The following CTNNA3 variants were observed in gnomAD, a reference collection of about 807,000 sequenced individuals.
The protein encoded by CTNNA3 is catenin alpha-3.
In CTNNA3, 76 loss-of-function variants were observed where a neutral mutation model predicts 95.7. That is an observed-to-expected ratio of 0.79 (90% CI 0.66 to 0.96). CTNNA3 has a LOEUF of 0.96. Ranked by LOEUF, CTNNA3 falls within the 40% of genes least tolerant of loss-of-function variation. The probability of loss-of-function intolerance (pLI) is 0.00; values close to 1 mark genes in which losing one functional copy is unlikely to be tolerated. For synonymous variants in CTNNA3, 431 were observed against 374.4 expected, an observed-to-expected ratio of 1.15 and a Z score of -1.74; for missense variants, 1,191 against 1,089.8, an observed-to-expected ratio of 1.09 and a Z score of -1.31.
intron 5 of CTNNA3, among the ~76,000 whole-genome samples, chr10:67,419,401 C>A (rs976481444): frequency 1.1e-4 from 17 of 151,732 alleles, no homozygotes; most frequent in African/African-American, 4.1e-4. Flanking sequence ...GGTTCATGTG[C>A]AGATTTGTTA....
At chr10:66,754,233 T>C (rs1458394885) in intron 9 of CTNNA3, among the ~76,000 whole-genome samples, 8 of 152,204 alleles carry the variant, frequency 5.3e-5, no homozygotes, top group Non-Finnish European at 1.0e-4. Context: ...CTCACATTTA[T>C]AGTTGATTTA....
chr10:66,042,711 C>T (rs1163930218), intron 15 of CTNNA3, among the ~76,000 whole-genome samples: 4 of 151,020 alleles, frequency 2.6e-5, no homozygotes, highest in African/African-American at 4.9e-5. Context: ...ACCAGCCTGC[C>T]CAATATGGTG....
intron 10 of CTNNA3, among the ~76,000 whole-genome samples, chr10:66,560,139 T>C (rs1157411762): frequency 6.6e-6 from 1 of 152,096 alleles, no homozygotes; most frequent in Non-Finnish European, 1.5e-5. Flanking sequence ...AATTACTCCT[T>C]AATATTTCTA....
In CTNNA3 at chr10:67,704,922, A is replaced by C. The variant is rs1209381514; in HGVS notation, c.-1-57408T>G. Among the ~76,000 whole-genome samples the C allele has an allele frequency of 3.3e-5, 5 of 152,158 alleles. No homozygotes were observed. The South Asian group carries it at 1.0e-3, about 32-fold the overall frequency. ...CCAGAATCTACAATGAACTCAAACA[A>C]ATTTACAAGAAAAAAACAAACAACT... On this transcript the variant is annotated intron_variant, in intron 1 of 17. Transcript: ENST00000684154.
chr10:67,672,293 C>A (rs142385583), intron 1 of CTNNA3, among the ~76,000 whole-genome samples: 34,465 of 151,878 alleles, frequency 0.23, 7,847 homozygotes, highest in African/African-American at 0.59. Context: ...CGAAAATTTT[C>A]TCCCATTTTG....
chr10:66,453,073 C>G (rs561561912), intron 11 of CTNNA3, among the ~76,000 whole-genome samples: 35 of 151,836 alleles, frequency 2.3e-4, no homozygotes, highest in African/African-American at 8.5e-4. Context: ...AAAAAATTGT[C>G]AGGTGTGGCG....
chr10:66,347,310 T>C (rs1488821424), intron 12 of CTNNA3, among the ~76,000 whole-genome samples: 1 of 152,068 alleles, frequency 6.6e-6, no homozygotes, highest in Non-Finnish European at 1.5e-5. Context: ...AAGTTTTATG[T>C]CTTATTAAGA....
chr10:66,416,312 G>GA (rs1484135856), intron 11 of CTNNA3, among the ~76,000 whole-genome samples: 11 of 151,272 alleles, frequency 7.3e-5, no homozygotes, highest in East Asian at 1.9e-4. Flanking sequence ...ATATGGGACA[G>GA]AAAAAAAAGT....
chr10:65,970,014 A>G (rs1421020398), intron 16 of CTNNA3, among the ~76,000 whole-genome samples: 1 of 152,140 alleles, frequency 6.6e-6, no homozygotes, highest in South Asian at 2.1e-4. Context: ...TCTCAAAGGC[A>G]GCTAGAGAAA....
intron 5 of CTNNA3, among the ~76,000 whole-genome samples, chr10:67,353,006 G>A (rs1417115479): frequency 6.6e-6 from 1 of 151,948 alleles, no homozygotes; most frequent in South Asian, 2.1e-4. Context: ...GAAAACCTAA[G>A]TGTCACATCT....
chr10:67,043,881 A>G (rs1016667700), intron 7 of CTNNA3, among the ~76,000 whole-genome samples: 1 of 151,072 alleles, frequency 6.6e-6, no homozygotes, highest in Admixed American at 6.7e-5. Flanking sequence ...TCTGTTCTGT[A>G]GGCAATCTGA....
intron 7 of CTNNA3, among the ~76,000 whole-genome samples, chr10:67,126,740 A>G (rs1304793758): frequency 6.6e-6 from 1 of 152,184 alleles, no homozygotes; most frequent in Non-Finnish European, 1.5e-5. Context: ...AAAAAGATCC[A>G]TATACATTGG....
intron 9 of CTNNA3, among the ~76,000 whole-genome samples, chr10:66,685,298 T>TATATATATAC (rs1847234102): frequency 2.2e-5 from 2 of 92,482 alleles, no homozygotes; most frequent in Non-Finnish European, 4.2e-5. Flanking sequence ...TATATATGTG[T>TATATATATAC]GTATATATAT....
At chr10:67,646,589 C>T (rs112504409) in intron 2 of CTNNA3, among the ~76,000 whole-genome samples, 1 of 152,142 alleles carries the variant, frequency 6.6e-6, no homozygotes, top group African/African-American at 2.4e-5. Context: ...CTCCCCACAT[C>T]CATCTCACAA....
intron 1 of CTNNA3, 119 bp downstream of exon 1, chr10:67,695,881 T>C (rs896344422): frequency 3.3e-5 from 5 of 152,204 alleles, no homozygotes. Context: ...GTGATCTTCC[T>C]CAGTTCAGAA....
At chr10:67,392,947 C>G (rs1203388367) in intron 5 of CTNNA3, among the ~76,000 whole-genome samples, 1 of 152,008 alleles carries the variant, frequency 6.6e-6, no homozygotes, top group Admixed American at 6.6e-5. Context: ...GGGAGATATA[C>G]CTAATGCTAG....
rs139461834 is a variant in CTNNA3, at chr10:66,009,556, C to G, written c.2160-20759G>C. 1.3e-4 allele frequency among the ~76,000 whole-genome samples: 20 copies of G among 152,304 alleles called. No homozygotes were observed. The East Asian group carries it at 3.9e-3, about 29-fold the overall frequency. On this transcript the variant is annotated intron_variant, in intron 15 of 17. Coordinates refer to ENST00000433211, the MANE Select transcript of CTNNA3 (RefSeq NM_013266.4). ...GAAACTTTCTAATATTTTCTTTTCA[C>G]TCTCGAAAAGAACATCTTATAGCCA...
intron 9 of CTNNA3, among the ~76,000 whole-genome samples, chr10:66,681,283 A>G (rs143746100): frequency 4.1e-4 from 62 of 152,280 alleles, no homozygotes; most frequent in African/African-American, 1.3e-3. Flanking sequence ...TCTGCCATCA[A>G]TGTGCTGGAG....
chr10:66,194,346 G>A (rs2086838158), intron 13 of CTNNA3, among the ~76,000 whole-genome samples: 2 of 152,116 alleles, frequency 1.3e-5, no homozygotes, highest in South Asian at 4.1e-4. Flanking sequence ...TTGGGCGGCC[G>A]AGGCAGCCAG....
Sources: gnomAD v4.1 joint callset for allele counts (sites outside exome capture counted in the v4.1 genomes callset) on GRCh38, gnomAD v4.1.1 for gene constraint, MANE v1.5 for transcripts, NCBI Gene and HGNC (gene_info 2026-07-23, HGNC 2026-07-21) for gene names.